STXBP5L: variants seen among roughly 807,000 people sequenced by gnomAD.
STXBP5L encodes syntaxin-binding protein 5-like.
In STXBP5L, 65 loss-of-function variants were observed where a neutral mutation model predicts 144.5. The ratio of observed to expected loss-of-function variants is 0.45; its 90% confidence interval spans 0.37 to 0.55. The LOEUF is 0.55. STXBP5L is among the 20% of genes least tolerant of loss of function. The pLI is 0.00. For missense variants in STXBP5L, 1,298 were observed against 1,405.5 expected (o/e 0.92, Z 1.22); for synonymous variants, 505 against 469.6 (o/e 1.08, Z -0.97).
At chr3:121,052,398 T>C (rs1260335304) in intron 5 of STXBP5L, among the ~76,000 whole-genome samples, 2 of 152,158 alleles carry the variant, frequency 1.3e-5, no homozygotes, top group African/African-American at 4.8e-5. Flanking sequence ...TTATCCACCA[T>C]GATCAAGTGG....
intron 2 of STXBP5L, among the ~76,000 whole-genome samples, chr3:120,944,158 G>C (rs997998683): frequency 2.0e-5 from 3 of 151,008 alleles, no homozygotes; most frequent in Non-Finnish European, 4.4e-5. Context: ...ATGTGTAATG[G>C]GGGTAGGTGA....
chr3:120,969,669 G>A (rs1475721324), intron 3 of STXBP5L, among the ~76,000 whole-genome samples: 1 of 151,740 alleles, frequency 6.6e-6, no homozygotes, highest in Non-Finnish European at 1.5e-5. Context: ...AATTTTTATC[G>A]TTTCAGGTCT....
chr3:121,221,894 G>A (rs1466835920), intron 10 of STXBP5L, among the ~76,000 whole-genome samples: 1 of 151,432 alleles, frequency 6.6e-6, no homozygotes, highest in African/African-American at 2.4e-5. Context: ...ACCCTTTTTG[G>A]TTATATAGCC....
intron 3 of STXBP5L, among the ~76,000 whole-genome samples, chr3:120,987,018 A>T: frequency 6.6e-6 from 1 of 151,930 alleles, no homozygotes; most frequent in East Asian, 1.9e-4. Context: ...TAGAGAGAAT[A>T]TTTGAAGAAA....
intron 3 of STXBP5L, among the ~76,000 whole-genome samples, chr3:121,008,180 C>T (rs182960960): frequency 8.8e-4 from 133 of 151,944 alleles, no homozygotes; most frequent in Non-Finnish European, 1.5e-3. Context: ...TACTGGGCAT[C>T]GACGCCTCAA....
At chr3:121,334,793 G>A (rs2044447096) in intron 20 of STXBP5L, among the ~76,000 whole-genome samples, 1 of 152,058 alleles carries the variant, frequency 6.6e-6, no homozygotes, top group African/African-American at 2.4e-5. Context: ...AACATACTAG[G>A]TAATGAAGGA....
chr3:121,152,422 A>G, intron 7 of STXBP5L, 55 bp from the exon 8 acceptor site: 1 of 1,279,844 alleles, frequency 7.8e-7, no homozygotes. Flanking sequence ...CTTTATTTGA[A>G]GCAAGTTAAA....
chr3:121,073,458 C>T (rs1003210541), intron 5 of STXBP5L, among the ~76,000 whole-genome samples: 1 of 152,182 alleles, frequency 6.6e-6, no homozygotes, highest in African/African-American at 2.4e-5. Context: ...GCAGTGGCTG[C>T]CAATGCCTTG....
intron 18 of STXBP5L, among the ~76,000 whole-genome samples, chr3:121,270,989 C>G (rs1245269829): frequency 6.6e-6 from 1 of 152,058 alleles, no homozygotes; most frequent in Non-Finnish European, 1.5e-5. Context: ...TGATATCTAC[C>G]AGGTTTCTCC....
intron 20 of STXBP5L, among the ~76,000 whole-genome samples, chr3:121,321,562 G>C (rs2043971211): frequency 6.6e-6 from 1 of 152,184 alleles, no homozygotes; most frequent in Non-Finnish European, 1.5e-5. Context: ...TGATTCAGTA[G>C]ATCTGAGGTG....
intron 7 of STXBP5L, among the ~76,000 whole-genome samples, chr3:121,129,670 A>T (rs1211342244): frequency 6.6e-6 from 1 of 152,100 alleles, no homozygotes; most frequent in African/African-American, 2.4e-5. Flanking sequence ...TTTCTCCAGG[A>T]CTATGTTATT....
intron 3 of STXBP5L, among the ~76,000 whole-genome samples, chr3:120,980,972 G>A (rs1941709011): frequency 6.6e-6 from 1 of 151,982 alleles, no homozygotes; most frequent in Non-Finnish European, 1.5e-5. Context: ...GCTTAATTTA[G>A]CAGGATACAA....
intron 4 of STXBP5L, 34 bp downstream of exon 4, chr3:121,041,815 A>C (rs1276545661): frequency 7.4e-7 from 1 of 1,347,296 alleles, no homozygotes; most frequent in South Asian, 1.2e-5. Context: ...TAAATCACAC[A>C]CTCCCCCACT....
intron 9 of STXBP5L, among the ~76,000 whole-genome samples, chr3:121,162,827 A>G (rs1225287003): frequency 6.6e-6 from 1 of 152,246 alleles, no homozygotes; most frequent in Non-Finnish European, 1.5e-5. Context: ...AAAAAGGCTC[A>G]TCATCACTGG....
intron 12 of STXBP5L, 103 bp downstream of exon 12, chr3:121,233,791 T>C: frequency 5.7e-6 from 5 of 871,674 alleles, no homozygotes; most frequent in Non-Finnish European, 6.7e-6. Flanking sequence ...TGAATATTGG[T>C]TTGCTAGAAT....
chr3:121,346,543 G>T (rs993587391), intron 20 of STXBP5L, among the ~76,000 whole-genome samples: 16 of 152,012 alleles, frequency 1.1e-4, no homozygotes, highest in Admixed American at 7.2e-4. Context: ...TTCCACAATG[G>T]TTGAACTAGT....
Position 120,909,526 on chromosome 3 carries a change from G to T in STXBP5L, c.-8-45G>T, listed in dbSNP as rs1708716109. 1.3e-5 allele frequency: 20 copies of T among 1,552,926 alleles called. No homozygotes were observed. The South Asian group carries it at 2.4e-4, about 18-fold the overall frequency. On this transcript the variant is annotated intron_variant, in intron 1 of 26. Coordinates refer to ENST00000471454, the MANE Select transcript of STXBP5L (RefSeq NM_001308330.2). Reference sequence around the variant, plus strand: ...CTTTTACCAAGGTCTAATTGCACGTGTTAAGTCACCTCTTTCCCTTTTTTT... The same window carrying T: ...CTTTTACCAAGGTCTAATTGCACGTTTTAAGTCACCTCTTTCCCTTTTTTT...
chr3:121,385,005 C>T (rs1377756508), intron 22 of STXBP5L, among the ~76,000 whole-genome samples: 1 of 151,766 alleles, frequency 6.6e-6, no homozygotes, highest in Non-Finnish European at 1.5e-5. Flanking sequence ...ACCTAGCATG[C>T]TTTGTAACAT....
At chr3:121,070,025 T>A (rs146739065) in intron 5 of STXBP5L, among the ~76,000 whole-genome samples, 76 of 152,352 alleles carry the variant, frequency 5.0e-4, no homozygotes, top group African/African-American at 1.7e-3. Context: ...AAAGAATTTT[T>A]AAATTTATTT....
Sources: gnomAD v4.1 joint callset for allele counts (sites outside exome capture counted in the v4.1 genomes callset) on GRCh38, gnomAD v4.1.1 for gene constraint, MANE v1.5 for transcripts, NCBI Gene and HGNC (gene_info 2026-07-23, HGNC 2026-07-21) for gene names.